Variants in CERS6 observed in about 807,000 individuals in gnomAD.
The protein encoded by CERS6 is LAG1 homolog, ceramide synthase 6.
Under a neutral mutation model 56.8 loss-of-function variants are expected in CERS6, and 26 were observed. That is an observed-to-expected ratio of 0.46 (90% CI 0.34 to 0.63). The LOEUF is 0.63. Ranked by LOEUF, CERS6 falls within the 30% of genes least tolerant of loss-of-function variation. The pLI is 0.01. For missense variants in CERS6, 415 were observed against 467.5 expected (o/e 0.89, Z 1.04); for synonymous variants, 164 against 173.3 (o/e 0.95, Z 0.42).
intron 4 of CERS6, among the ~76,000 whole-genome samples, chr2:168,632,930 A>G (rs992178568): frequency 8.5e-5 from 13 of 152,228 alleles, no homozygotes; most frequent in South Asian, 4.1e-4. Context: ...TCATACGGCA[A>G]TGCGGTTATC....
chr2:168,517,527 A>AATAAATAAATAAATAAAT (rs764294452), intron 1 of CERS6, among the ~76,000 whole-genome samples: 1 of 150,832 alleles, frequency 6.6e-6, no homozygotes, highest in Non-Finnish European at 1.5e-5. Context: ...ATAAATAATA[A>AATAAATAAATAAATAAAT]AATAAAATAA....
At chr2:168,665,111 T>A (rs2105332549) in intron 4 of CERS6, among the ~76,000 whole-genome samples, 1 of 152,304 alleles carries the variant, frequency 6.6e-6, no homozygotes, top group Admixed American at 6.5e-5. Context: ...ACATCTTTTC[T>A]AGGATCCTTC....
chr2:168,656,104 A>G (rs1247098622), intron 4 of CERS6, among the ~76,000 whole-genome samples: 1 of 152,130 alleles, frequency 6.6e-6, no homozygotes, highest in African/African-American at 2.4e-5. Context: ...CTTTCCTCCT[A>G]AATAGGTCCT....
chr2:168,607,513 C>G (rs1684081136), intron 3 of CERS6, among the ~76,000 whole-genome samples: 1 of 152,146 alleles, frequency 6.6e-6, no homozygotes, highest in African/African-American at 2.4e-5. Context: ...TCCCAAGTAG[C>G]TGGGATTACA....
intron 1 of CERS6, among the ~76,000 whole-genome samples, chr2:168,521,327 G>T (rs1433976246): frequency 6.6e-6 from 1 of 152,094 alleles, no homozygotes; most frequent in Non-Finnish European, 1.5e-5. Flanking sequence ...TGTTCCTATT[G>T]ATTTGACTTT....
intron 1 of CERS6, among the ~76,000 whole-genome samples, chr2:168,539,735 G>A (rs750435961): frequency 3.3e-5 from 5 of 152,136 alleles, no homozygotes; most frequent in Admixed American, 1.3e-4. Context: ...CATTCCTGAC[G>A]AATATTGGTA....
At chr2:168,656,630 T>C (rs1685477621) in intron 4 of CERS6, among the ~76,000 whole-genome samples, 1 of 152,130 alleles carries the variant, frequency 6.6e-6, no homozygotes, top group Non-Finnish European at 1.5e-5. Flanking sequence ...GCTGCAGATC[T>C]TCGCGGTGAG....
rs187824991 is a variant in CERS6 at position 168,545,392 on chromosome 2, G to C, written c.171-2204G>C. The stretch of plus-strand genomic sequence containing the variant: ...TAAGTTGTCAATTAAGTGGTATGCT[G>C]TTGCATTCATTCTTGGAATTTAAAG... On this transcript the variant is annotated intron_variant, in intron 1 of 9. Transcript: ENST00000305747. 6.6e-5 allele frequency among the ~76,000 whole-genome samples: 10 copies of C among 152,218 alleles called. No individual in the cohort carries two copies. The East Asian group carries it at 1.7e-3, about 26-fold the overall frequency.
At chr2:168,714,950 G>T in intron 6 of CERS6, 51 bp from the exon 7 acceptor site, 1 of 1,556,202 alleles carries the variant, frequency 6.4e-7, no homozygotes, top group Non-Finnish European at 8.7e-7. Context: ...ATGGCTAAAT[G>T]GAAATGTGAT....
chr2:168,705,887 C>T (rs1686927914), intron 6 of CERS6, among the ~76,000 whole-genome samples: 1 of 152,120 alleles, frequency 6.6e-6, no homozygotes, highest in Non-Finnish European at 1.5e-5. Flanking sequence ...ACCCTTGCAT[C>T]ACTTAAGACT....
chr2:168,482,287 A>G (rs1402195028), intron 1 of CERS6, among the ~76,000 whole-genome samples: 2 of 152,240 alleles, frequency 1.3e-5, no homozygotes, highest in Non-Finnish European at 2.9e-5. Context: ...AAAATCAGTT[A>G]TGGTGGACTA....
chr2:168,550,542 A>G (rs1301144054), intron 2 of CERS6, among the ~76,000 whole-genome samples: 2 of 152,142 alleles, frequency 1.3e-5, no homozygotes, highest in African/African-American at 4.8e-5. Context: ...TCTTGGAGAA[A>G]GTGCAGACCC....
chr2:168,668,749 A>G (rs1200642521), intron 4 of CERS6, among the ~76,000 whole-genome samples: 1 of 152,160 alleles, frequency 6.6e-6, no homozygotes. Flanking sequence ...CCACCATGCC[A>G]GGCTGCAACT....
rs1694675246 is a variant in CERS6, at chr2:168,506,266, GA to G, written c.171-41326del. ...GACAGTTTTTTTTCAAATCAATTGAGAAAATCAAAGACTGGCTCATCCCTTT... is the reference window on the plus strand; with the variant it reads ...GACAGTTTTTTTTCAAATCAATTGAGAAATCAAAGACTGGCTCATCCCTTT... On this transcript the variant is annotated intron_variant, in intron 1 of 9. Coordinates refer to ENST00000305747, the MANE Select transcript of CERS6 (RefSeq NM_203463.3). 2.0e-5 allele frequency among the ~76,000 whole-genome samples: 3 copies of G among 152,232 alleles called. No individual in the cohort carries two copies. In the South Asian group the frequency reaches 6.2e-4, roughly 32 times the overall value.
chr2:168,552,033 A>G (rs1475926580), intron 2 of CERS6, among the ~76,000 whole-genome samples: 1 of 152,190 alleles, frequency 6.6e-6, no homozygotes, highest in Non-Finnish European at 1.5e-5. Context: ...GCCAGGTTTT[A>G]TGATCCAGGG....
In CERS6 at chr2:168,461,800, T is replaced by A. The variant is rs1300512509; in HGVS notation, c.170+5182T>A. ...ATGAAATTAATACCCTGAGTTCACTTATGACTTCTCTGTTGAAAATATTTG... is the reference window on the plus strand; with the variant it reads ...ATGAAATTAATACCCTGAGTTCACTAATGACTTCTCTGTTGAAAATATTTG... On this transcript the variant is annotated intron_variant, in intron 1 of 9. Transcript: ENST00000305747. Among the ~76,000 whole-genome samples, 3 of 152,236 alleles carry A rather than the reference T, an allele frequency of 2.0e-5. No homozygotes were observed. In the East Asian group the frequency reaches 5.8e-4, roughly 29 times the overall value.
chr2:168,606,677 G>A (rs1209728791), intron 3 of CERS6, among the ~76,000 whole-genome samples: 5 of 152,162 alleles, frequency 3.3e-5, no homozygotes, highest in Non-Finnish European at 5.9e-5. Flanking sequence ...GGGGCCAGGG[G>A]CAGGTTGATA....
chr2:168,553,964 A>C (rs1695630365), intron 2 of CERS6, among the ~76,000 whole-genome samples: 1 of 152,194 alleles, frequency 6.6e-6, no homozygotes, highest in Non-Finnish European at 1.5e-5. Context: ...ACGCATATTT[A>C]ATAGTACCAG....
chr2:168,618,410 G>C (rs911168236), intron 3 of CERS6, among the ~76,000 whole-genome samples: 4 of 152,094 alleles, frequency 2.6e-5, no homozygotes, highest in African/African-American at 4.8e-5. Flanking sequence ...GAAATAAAAG[G>C]CATCCAAATC....
Sources: gnomAD v4.1 joint callset for allele counts (sites outside exome capture counted in the v4.1 genomes callset) on GRCh38, gnomAD v4.1.1 for gene constraint, MANE v1.5 for transcripts, NCBI Gene and HGNC (gene_info 2026-07-23, HGNC 2026-07-21) for gene names.